The following C4orf50 variants were observed in gnomAD, a reference collection of about 807,000 sequenced individuals.
The protein encoded by C4orf50 is chromosome 4 open reading frame 50.
C4orf50 carries 80 observed loss-of-function variants against 77.2 expected under a neutral mutation model. The observed-to-expected ratio is 1.04, with a 90% confidence interval of 0.87 to 1.25. C4orf50 has a LOEUF of 1.25. Among genes scored for constraint, C4orf50 ranks in the 50% most tolerant of loss-of-function variants. The pLI, the probability that C4orf50 is intolerant of heterozygous loss-of-function variation, is 0.00. For missense variants in C4orf50, 1,257 were observed against 1,152.9 expected (o/e 1.09, Z -1.31); for synonymous variants, 532 against 465.3 (o/e 1.14, Z -1.84).
chr4:5,921,622 G>C (rs554672820), intron 7 of C4orf50, among the ~76,000 whole-genome samples: 1 of 152,064 alleles, frequency 6.6e-6, no homozygotes, highest in Non-Finnish European at 1.5e-5. Context: ...AGTGTGTTTC[G>C]GGAGGAGCCA....
intron 33 of C4orf50, 108 bp downstream of exon 11, chr4:5,964,916 G>A: frequency 1.0e-6 from 1 of 984,062 alleles, no homozygotes; most frequent in Non-Finnish European, 1.5e-6. Context: ...TTGACCTGGT[G>A]GTGGCTTTCT....
intron 7 of C4orf50, among the ~76,000 whole-genome samples, chr4:5,937,591 T>C (rs61479878): frequency 0.28 from 42,722 of 152,026 alleles, 7,496 homozygotes; most frequent in African/African-American, 0.5. Context: ...ATATCAGTTA[T>C]CATAATCATT....
Position 5,919,231 on chromosome 4 carries a change from C to G in C4orf50, c.*2475-21043G>C, listed in dbSNP as rs534814460. On this transcript the variant is annotated intron_variant, in intron 7 of 7. Coordinates refer to the C4orf50 transcript ENST00000324058. The surrounding 1 kb of genome is among the most constrained non-coding windows in gnomAD (Gnocchi z 6.5). ...TCCGGAGCTGAATGTATTCAGGGGC[C>G]TGTTTCCAGTTCAGAGGAGCCCCAG... Among the ~76,000 whole-genome samples the G allele has an allele frequency of 3.3e-5, 5 of 152,280 alleles. No homozygotes were observed. Among genetic ancestry groups the G allele is most frequent in the Non-Finnish European group, 5.9e-5 (4 of 68,028 alleles).
chr4:5,914,210 T>TG (rs1221580480), intron 7 of C4orf50, among the ~76,000 whole-genome samples: 1 of 81,944 alleles, frequency 1.2e-5, no homozygotes, highest in African/African-American at 3.2e-5. Flanking sequence ...TGGGTGTTTT[T>TG]TTTTTTTTTT....
intron 7 of C4orf50, among the ~76,000 whole-genome samples, chr4:5,931,685 A>T (rs10013855): frequency 6.6e-6 from 1 of 151,716 alleles, no homozygotes; most frequent in Non-Finnish European, 1.5e-5. Context: ...GGCCCACTCC[A>T]CCCTCTCTGC....
chr4:5,939,671 G>A (rs1049276454), intron 7 of C4orf50, among the ~76,000 whole-genome samples: 1 of 152,078 alleles, frequency 6.6e-6, no homozygotes, highest in African/African-American at 2.4e-5. Context: ...AACCCACCCT[G>A]GCCTTTGAAG....
At chr4:5,989,096 C>T (rs1721090490) in exon 28 of C4orf50, 6 of 1,536,102 alleles carry the variant, frequency 3.9e-6, no homozygotes, top group Non-Finnish European at 5.2e-6. Context: ...GAGATGTCCC[C>T]TACCAGCCTG....
intron 33 of C4orf50, among the ~76,000 whole-genome samples, chr4:5,962,239 G>A (rs1719314161): frequency 6.6e-6 from 1 of 152,152 alleles, no homozygotes; most frequent in African/African-American, 2.4e-5. Flanking sequence ...CATTTAAATT[G>A]ACATTCTGCC....
chr4:5,964,764 T>A (rs1719466946), intron 33 of C4orf50, among the ~76,000 whole-genome samples: 1 of 19,646 alleles, frequency 5.1e-5, no homozygotes, highest in African/African-American at 3.4e-4. Flanking sequence ...CAAGACTCTG[T>A]CTCAAAAAAA....
rs560741692 is a variant in C4orf50 at position 5,910,610 on chromosome 4, A to AC, written c.*2475-12423dup. Among the ~76,000 whole-genome samples, 488 of 152,158 alleles carry AC rather than the reference A, an allele frequency of 3.2e-3. 4 individuals carry two copies. Among genetic ancestry groups the AC allele is most frequent in the African/African-American group, 0.011 (463 of 41,506 alleles). On this transcript the variant is annotated intron_variant, in intron 7 of 7. Coordinates refer to the C4orf50 transcript ENST00000324058. ...AAGAGAAAATGACCCCACAATAATC[A>AC]CCCCACTCGATCATGGCTGAGCTTG...
intron 7 of C4orf50, among the ~76,000 whole-genome samples, chr4:5,947,347 C>T (rs1718528047): frequency 6.6e-6 from 1 of 152,156 alleles, no homozygotes; most frequent in Non-Finnish European, 1.5e-5. Context: ...TTAAGAAGAA[C>T]TCAATGCCCT....
At chr4:5,990,028 G>C in exon 28 of C4orf50, 4 of 1,361,996 alleles carry the variant, frequency 2.9e-6, no homozygotes, top group South Asian at 4.4e-5. Flanking sequence ...ATGAGCCCTG[G>C]AGAAGGTGGC....
intron 7 of C4orf50, among the ~76,000 whole-genome samples, chr4:5,906,649 A>G (rs1351855641): frequency 3.3e-5 from 5 of 152,214 alleles, no homozygotes; most frequent in Non-Finnish European, 7.3e-5. Flanking sequence ...GCTTTGCTGC[A>G]ATGCTAAGGG....
chr4:5,925,831 C>A (rs544409791), intron 7 of C4orf50, among the ~76,000 whole-genome samples: 1 of 152,314 alleles, frequency 6.6e-6, no homozygotes, highest in Admixed American at 6.5e-5. Flanking sequence ...GGGGGATGAG[C>A]TGGAGTTCAC....
At chr4:5,902,540 G>A (rs2152479844) in intron 7 of C4orf50, 1 of 152,318 alleles carries the variant, frequency 6.6e-6, no homozygotes, top group East Asian at 1.9e-4. Flanking sequence ...AGTAGCATTT[G>A]TGAAGCATCT....
Position 6,011,954 on chromosome 4 carries a change from T to C in C4orf50, c.302A>G (p.Glu101Gly). ...CCGGAGGAGTTTCCTTTCTGACAGC[T>C]CCAGCTCCTGAATTCTGCAGCATGA... Residue 101 changes from glutamate (E) to glycine (G), a missense_variant, in exon 24 of 34, where the codon GAG (glutamate) becomes GGG (glycine). Transcript: ENST00000531445. The surrounding 1 kb of genome is among the most constrained non-coding windows in gnomAD (Gnocchi z 4.2). 2.5e-6 allele frequency: 1 copy of C among 399,030 alleles called. No individual in the cohort carries two copies. The highest frequency in any genetic ancestry group is 4.4e-6 in the Non-Finnish European group (1 of 226,092). 24.7% of individuals were successfully genotyped at this position (399,030 alleles called of 1,614,324 possible). A position where few individuals can be genotyped will look rare whatever the true frequency, so the allele number is the denominator to read the frequency against.
At chr4:5,988,718 C>G (rs144840767) in exon 28 of C4orf50, 1 of 1,536,122 alleles carries the variant, frequency 6.5e-7, no homozygotes, top group Non-Finnish European at 8.7e-7. Flanking sequence ...CGCCCCTGAT[C>G]CGTGCTCCTC....
intron 7 of C4orf50, among the ~76,000 whole-genome samples, chr4:5,950,860 T>G (rs1718684030): frequency 6.6e-6 from 1 of 152,194 alleles, no homozygotes; most frequent in Non-Finnish European, 1.5e-5. Flanking sequence ...CAGTAAGCAT[T>G]GATCATGGGA....
At chr4:5,902,334 C>T (rs1457774121) in intron 7 of C4orf50, 4 of 152,194 alleles carry the variant, frequency 2.6e-5, no homozygotes, top group Non-Finnish European at 5.9e-5. Flanking sequence ...CCCCACTAAA[C>T]AATGGAAGAG....
Sources: gnomAD v4.1 joint callset for allele counts (sites outside exome capture counted in the v4.1 genomes callset) on GRCh38, gnomAD v4.1.1 for gene constraint, Gnocchi (gnomAD v3.1) non-coding constraint, MANE v1.5 for transcripts, NCBI Gene and HGNC (gene_info 2026-07-23, HGNC 2026-07-21) for gene names.